KCNQ3: variants seen among roughly 807,000 people sequenced by gnomAD.
The protein encoded by KCNQ3 is potassium voltage-gated channel subfamily Q member 3, also known as potassium voltage-gated channel subfamily KQT member 3.
A neutral mutation model predicts 92.5 loss-of-function variants in KCNQ3; 30 were observed. The ratio of observed to expected loss-of-function variants is 0.32; its 90% confidence interval spans 0.24 to 0.44. KCNQ3 has a LOEUF of 0.44. Among genes scored for constraint, KCNQ3 ranks in the 20% least tolerant of loss-of-function variants. KCNQ3 has a pLI of 1.00. For synonymous variants in KCNQ3, 450 were observed against 468.8 expected (o/e 0.96, Z 0.52); for missense variants, 913 against 1,140.3 (o/e 0.80, Z 2.87).
At chr8:132,213,447 G>A (rs1314478200) in intron 1 of KCNQ3, among the ~76,000 whole-genome samples, 1 of 152,198 alleles carries the variant, frequency 6.6e-6, no homozygotes, top group Non-Finnish European at 1.5e-5. Flanking sequence ...CTCCTTGAAG[G>A]AGTTTTCCCA....
intron 1 of KCNQ3, among the ~76,000 whole-genome samples, chr8:132,396,426 GAA>G (rs751227909): frequency 1.5e-5 from 2 of 134,210 alleles, no homozygotes; most frequent in Admixed American, 7.5e-5. Context: ...TTGGTAACAG[GAA>G]AAAAAAAAAA....
chr8:132,379,878 T>C (rs1819699327), intron 1 of KCNQ3, among the ~76,000 whole-genome samples: 3 of 150,968 alleles, frequency 2.0e-5, no homozygotes, highest in Admixed American at 1.3e-4. Flanking sequence ...CCTGAGGAAA[T>C]CTTGGCATCT....
intron 1 of KCNQ3, among the ~76,000 whole-genome samples, chr8:132,363,685 A>T (rs1819234515): frequency 6.6e-6 from 1 of 151,894 alleles, no homozygotes; most frequent in Non-Finnish European, 1.5e-5. Flanking sequence ...TTTAGCCCAC[A>T]GACTTAGCCT....
intron 1 of KCNQ3, among the ~76,000 whole-genome samples, chr8:132,267,902 A>G (rs1198587635): frequency 6.6e-6 from 1 of 152,308 alleles, no homozygotes; most frequent in East Asian, 1.9e-4. Flanking sequence ...GCATGGCACA[A>G]TTGTTACAAC....
chr8:132,246,131 G>C (rs1410761697), intron 1 of KCNQ3, among the ~76,000 whole-genome samples: 1 of 152,162 alleles, frequency 6.6e-6, no homozygotes, highest in African/African-American at 2.4e-5. Context: ...GGGGCCCTCA[G>C]TTATTTCAGA....
At chr8:132,325,649 G>A (rs1413080076) in intron 1 of KCNQ3, among the ~76,000 whole-genome samples, 1 of 152,176 alleles carries the variant, frequency 6.6e-6, no homozygotes, top group Non-Finnish European at 1.5e-5. Context: ...AAGGACAGAG[G>A]TCCCAGAAAA....
chr8:132,435,884 G>A (rs1821381630), intron 1 of KCNQ3, among the ~76,000 whole-genome samples: 1 of 152,082 alleles, frequency 6.6e-6, no homozygotes, highest in Admixed American at 6.5e-5. Context: ...CCCTAGTCTT[G>A]TCCTCATCAT....
At chr8:132,145,816 C>T (rs570079762) in intron 9 of KCNQ3, among the ~76,000 whole-genome samples, 2 of 152,262 alleles carry the variant, frequency 1.3e-5, no homozygotes, top group South Asian at 4.2e-4. Context: ...AATTAGGAAA[C>T]CAGTTTCAGT....
chr8:132,446,137 G>GA (rs1821669398), intron 1 of KCNQ3, among the ~76,000 whole-genome samples: 1 of 152,112 alleles, frequency 6.6e-6, no homozygotes, highest in South Asian at 2.1e-4. Context: ...TCTCCAAGCA[G>GA]AAAAAGAACC....
At chr8:132,461,779 A>G (rs908220404) in intron 1 of KCNQ3, among the ~76,000 whole-genome samples, 7 of 152,228 alleles carry the variant, frequency 4.6e-5, no homozygotes, top group African/African-American at 1.7e-4. Context: ...TAACGAAATT[A>G]TATTCAGCAT....
At chr8:132,261,015 A>C (rs973827303) in intron 1 of KCNQ3, among the ~76,000 whole-genome samples, 3 of 152,190 alleles carry the variant, frequency 2.0e-5, no homozygotes, top group Non-Finnish European at 2.9e-5. Context: ...AACCATTACC[A>C]CTATGTATTT....
At chr8:132,479,990 A>ACACACC (rs1554660746) in intron 1 of KCNQ3, among the ~76,000 whole-genome samples, 157 bp downstream of exon 1, 11 of 147,808 alleles carry the variant, frequency 7.4e-5, no homozygotes, top group African/African-American at 1.5e-4. Flanking sequence ...ACACACACAC[A>ACACACC]CACCCAGGGA....
chr8:132,221,630 G>T (rs970065739), intron 1 of KCNQ3, among the ~76,000 whole-genome samples: 6 of 152,166 alleles, frequency 3.9e-5, no homozygotes, highest in African/African-American at 1.4e-4. Flanking sequence ...AGAAGTGTCT[G>T]TTCATATCCT....
intron 1 of KCNQ3, among the ~76,000 whole-genome samples, chr8:132,444,997 G>C (rs1473145299): frequency 6.6e-6 from 1 of 152,176 alleles, no homozygotes. Context: ...GGATTTCAGG[G>C]TAGTAATATG....
chr8:132,473,589 A>C (rs1822339850), intron 1 of KCNQ3, among the ~76,000 whole-genome samples: 1 of 152,222 alleles, frequency 6.6e-6, no homozygotes, highest in Non-Finnish European at 1.5e-5. Flanking sequence ...AACGTTAACA[A>C]CACAAATATC....
chr8:132,246,734 C>T (rs145883433), intron 1 of KCNQ3, among the ~76,000 whole-genome samples: 5 of 152,284 alleles, frequency 3.3e-5, no homozygotes, highest in East Asian at 3.9e-4. Context: ...TCTTCAACTC[C>T]GTCTTTCCTA....
chr8:132,346,595 A>G (rs1818695538), intron 1 of KCNQ3, among the ~76,000 whole-genome samples: 1 of 152,210 alleles, frequency 6.6e-6, no homozygotes, highest in African/African-American at 2.4e-5. Flanking sequence ...ATGAGGGAAT[A>G]TAGATGCTTA....
At chr8:132,154,223 T>TTTTTTTTTTTTTTTTCA (rs1825737377) in intron 9 of KCNQ3, among the ~76,000 whole-genome samples, 1 of 131,788 alleles carries the variant, frequency 7.6e-6, no homozygotes, top group African/African-American at 2.8e-5. Flanking sequence ...TTTTTTTTTT[T>TTTTTTTTTTTTTTTTCA]AGCCAATCAG....
Position 132,125,601 on chromosome 8 carries a change from A to ATGAT in KCNQ3, c.*3657_*3660dup, listed in dbSNP as rs1824639128. 6.6e-6 allele frequency: 1 copy of ATGAT among 152,222 alleles called. No homozygotes were observed. The highest frequency in any genetic ancestry group is 2.4e-5 in the African/African-American group (1 of 41,468). The allele number at this position is 152,222 out of a possible 1,614,324, so 9.4% of individuals were successfully genotyped here. A position where few individuals can be genotyped will look rare whatever the true frequency, so the allele number is the denominator to read the frequency against. On this transcript the variant is annotated 3_prime_UTR_variant, in exon 15 of 15. Coordinates refer to ENST00000388996, the MANE Select transcript of KCNQ3 (RefSeq NM_004519.4). ...ATTTCAGTAGCATGGAATTATGAGG[A>ATGAT]TGATTTTGCCAAATTATGAGTAGGT...
Sources: gnomAD v4.1 joint callset for allele counts (sites outside exome capture counted in the v4.1 genomes callset) on GRCh38, gnomAD v4.1.1 for gene constraint, MANE v1.5 for transcripts, NCBI Gene and HGNC (gene_info 2026-07-23, HGNC 2026-07-21) for gene names.